RBFOX1: variants seen among roughly 807,000 people sequenced by gnomAD.
RBFOX1 encodes the protein RNA binding fox-1 homolog 1.
Under a neutral mutation model 57.7 loss-of-function variants are expected in RBFOX1, and 8 were observed. The observed-to-expected ratio is 0.14, with a 90% confidence interval of 0.08 to 0.25. RBFOX1 has a LOEUF of 0.25. RBFOX1 is among the 10% of genes least tolerant of loss of function. The pLI is 1.00. For synonymous variants in RBFOX1, 326 were observed against 222.4 expected (o/e 1.47, Z -4.15); for missense variants, 611 against 548.5 (o/e 1.11, Z -1.14).
chr16:5,760,488 A>G (rs2053556547), intron 3 of RBFOX1, among the ~76,000 whole-genome samples: 1 of 152,308 alleles, frequency 6.6e-6, no homozygotes, highest in African/African-American at 2.4e-5. Context: ...CACAATAATA[A>G]TGTTGTGAAA....
chr16:7,567,255 A>ATATATATATCCC lies in RBFOX1; in HGVS notation c.271-12512_271-12501dup, dbSNP rs2091977871. On this transcript the variant is annotated intron_variant, in intron 5 of 15. Transcript: ENST00000550418. Reference sequence around the variant, plus strand: ...TATATATATATCCATATATCCCTATATATATATATCCCTATATATATATCC... The same window carrying ATATATATATCCC: ...TATATATATATCCATATATCCCTATATATATATATCCCTATATATATCCCTATATATATATCC... Among the ~76,000 whole-genome samples, 3 of 84,286 alleles carry ATATATATATCCC rather than the reference A, an allele frequency of 3.6e-5. 1 individual carries two copies. Among genetic ancestry groups the ATATATATATCCC allele is most frequent in the East Asian group, 2.5e-4 (1 of 3,984 alleles). 55.3% of individuals were successfully genotyped at this position (84,286 alleles called of 152,430 possible).
chr16:6,870,405 C>A (rs1342458629), intron 3 of RBFOX1, among the ~76,000 whole-genome samples: 1 of 152,152 alleles, frequency 6.6e-6, no homozygotes, highest in African/African-American at 2.4e-5. Context: ...ATTGTTTCAG[C>A]AAGTCTTACC....
chr16:6,547,923 G>C (rs1291753628), intron 2 of RBFOX1, among the ~76,000 whole-genome samples: 2 of 152,148 alleles, frequency 1.3e-5, no homozygotes, highest in Non-Finnish European at 2.9e-5. Context: ...GACTGCAAGC[G>C]AGGCTGTGAA....
At chr16:7,347,900 C>A (rs1450769621) in intron 4 of RBFOX1, among the ~76,000 whole-genome samples, 1 of 152,108 alleles carries the variant, frequency 6.6e-6, no homozygotes, top group Non-Finnish European at 1.5e-5. Flanking sequence ...TATTGATAGC[C>A]TTCAGTGCAC....
At chr16:7,606,485 G>A (rs1232374740) in intron 9 of RBFOX1, among the ~76,000 whole-genome samples, 1 of 152,112 alleles carries the variant, frequency 6.6e-6, no homozygotes, top group Non-Finnish European at 1.5e-5. Context: ...ACCCTAAAAC[G>A]TGATCAGTCT....
At chr16:7,116,284 C>T (rs533884675) in intron 4 of RBFOX1, among the ~76,000 whole-genome samples, 2 of 152,132 alleles carry the variant, frequency 1.3e-5, no homozygotes, top group Non-Finnish European at 2.9e-5. Context: ...CCGAGCTGCT[C>T]TATCTGCCTC....
chr16:5,786,333 GC>G (rs1466920920), intron 3 of RBFOX1, among the ~76,000 whole-genome samples: 3 of 152,076 alleles, frequency 2.0e-5, no homozygotes, highest in African/African-American at 7.2e-5. Context: ...CAGGATGGGG[GC>G]CCTTCCAGCT....
chr16:7,661,066 T>C (rs2067598377), intron 12 of RBFOX1, among the ~76,000 whole-genome samples: 1 of 152,152 alleles, frequency 6.6e-6, no homozygotes, highest in Non-Finnish European at 1.5e-5. Context: ...TCTGCAAATG[T>C]GAGTAGTGGG....
chr16:7,164,907 C>A (rs571378713), intron 4 of RBFOX1, among the ~76,000 whole-genome samples: 1 of 152,160 alleles, frequency 6.6e-6, no homozygotes, highest in Non-Finnish European at 1.5e-5. Context: ...TTGTTTGCTT[C>A]TTGAATTAAT....
intron 4 of RBFOX1, among the ~76,000 whole-genome samples, chr16:7,207,563 C>G (rs2090245675): frequency 6.6e-6 from 1 of 152,170 alleles, no homozygotes; most frequent in South Asian, 2.1e-4. Flanking sequence ...GGATTAACGA[C>G]TGATCTTGCC....
At chr16:5,397,595 C>T (rs950205124) in intron 1 of RBFOX1, among the ~76,000 whole-genome samples, 6 of 152,118 alleles carry the variant, frequency 3.9e-5, no homozygotes, top group Non-Finnish European at 7.3e-5. Flanking sequence ...AATATAGGAG[C>T]ACAAAAGACT....
intron 3 of RBFOX1, among the ~76,000 whole-genome samples, chr16:6,747,149 C>A (rs773510077): frequency 1.3e-5 from 2 of 152,142 alleles, no homozygotes; most frequent in Non-Finnish European, 2.9e-5. Context: ...GTGGCTCACG[C>A]CTATAATCCC....
chr16:7,402,065 C>T (rs545783002), intron 4 of RBFOX1, among the ~76,000 whole-genome samples: 13 of 152,228 alleles, frequency 8.5e-5, no homozygotes, highest in Admixed American at 3.3e-4. Context: ...TGCAGAGTGT[C>T]ATGTTCCTCA....
intron 3 of RBFOX1, among the ~76,000 whole-genome samples, chr16:5,787,640 A>C (rs924238466): frequency 2.6e-5 from 4 of 152,202 alleles, no homozygotes; most frequent in African/African-American, 4.8e-5. Flanking sequence ...GCTTTGTAGA[A>C]AAGGTGACAA....
chr16:5,556,757 A>T (rs1476774489), intron 2 of RBFOX1, among the ~76,000 whole-genome samples: 1 of 151,970 alleles, frequency 6.6e-6, no homozygotes, highest in Non-Finnish European at 1.5e-5. Flanking sequence ...CCATGGAAAG[A>T]AAGATGCCAC....
chr16:6,603,056 C>T (rs145945781), intron 2 of RBFOX1, among the ~76,000 whole-genome samples: 1 of 152,194 alleles, frequency 6.6e-6, no homozygotes, highest in Admixed American at 6.5e-5. Flanking sequence ...TCATTGTCTA[C>T]TCTTCATCCT....
At chr16:6,650,284 A>AT (rs959223870) in intron 2 of RBFOX1, among the ~76,000 whole-genome samples, 1 of 124,474 alleles carries the variant, frequency 8.0e-6, no homozygotes, top group Non-Finnish European at 1.9e-5. Flanking sequence ...ATTTTTATTT[A>AT]TTTTTTTCTT....
chr16:7,495,168 A>G (rs2068208665), intron 4 of RBFOX1, among the ~76,000 whole-genome samples: 1 of 152,184 alleles, frequency 6.6e-6, no homozygotes, highest in Non-Finnish European at 1.5e-5. Flanking sequence ...TTATGGCTGC[A>G]TAGTATTCCA....
chr16:5,632,650 A>G (rs1242674458), intron 3 of RBFOX1: 2 of 152,058 alleles, frequency 1.3e-5, no homozygotes, highest in African/African-American at 4.8e-5. Context: ...AACTATGTTT[A>G]TTTGTCTTTT....
Sources: gnomAD v4.1 joint callset for allele counts (sites outside exome capture counted in the v4.1 genomes callset) on GRCh38, gnomAD v4.1.1 for gene constraint, MANE v1.5 for transcripts, NCBI Gene and HGNC (gene_info 2026-07-23, HGNC 2026-07-21) for gene names.